The following SEC61A1 variants were observed in gnomAD, a reference collection of about 807,000 sequenced individuals.
SEC61A1 encodes the protein protein transport protein Sec61 subunit alpha isoform 1.
Under a neutral mutation model 55.2 loss-of-function variants are expected in SEC61A1, and 15 were observed. That is an observed-to-expected ratio of 0.27 (90% CI 0.18 to 0.42). The LOEUF (loss-of-function observed/expected upper bound fraction) is 0.42, where lower values mean the gene tolerates loss of function less well. SEC61A1 is among the 10% of genes least tolerant of loss of function. SEC61A1 has a pLI of 1.00. For missense variants in SEC61A1, 284 were observed against 602.6 expected (o/e 0.47, Z 5.53); for synonymous variants, 247 against 234.0 (o/e 1.06, Z -0.51).
At chr3:128,066,595 T>C (rs1210670139) in intron 8 of SEC61A1, 1 of 244,056 alleles carries the variant, frequency 4.1e-6, no homozygotes, top group Non-Finnish European at 7.9e-6. Context: ...GCCAGTTTTG[T>C]TTATTTTTTG....
Position 128,056,832 on chromosome 3 carries a change from C to G in SEC61A1, c.344C>G (p.Ala115Gly), listed in dbSNP as rs774461395. Residue 115 changes from alanine (A) to glycine (G), a missense_variant, in exon 5 of 12, where the codon GCC becomes GGC. Coordinates refer to ENST00000243253, the MANE Select transcript of SEC61A1 (RefSeq NM_013336.4). ...TPKDRALFNG[A>G]QKLFGMIITI... is the part of the protein sequence containing the mutation. ...AAAGACCGAGCTCTCTTCAACGGAG[C>G]CCAAAAGTGTAAGAAAGATTGTGAA... is the stretch of plus-strand genomic sequence containing the variant. 54 of 1,586,938 alleles carry G rather than the reference C, an allele frequency of 3.4e-5. No individual in the cohort carries two copies. The highest frequency in any genetic ancestry group is 1.8e-5 in the Admixed American group (1 of 55,654).
At chr3:128,055,405 A>G in intron 2 of SEC61A1, 111 bp from the exon 3 acceptor site, 2 of 851,914 alleles carry the variant, frequency 2.3e-6, no homozygotes, top group Non-Finnish European at 4.0e-6. Flanking sequence ...GAACAGAGAA[A>G]AGAGTCTGGT....
chr3:128,056,031 CT>C (rs1941764923), intron 4 of SEC61A1, among the ~76,000 whole-genome samples: 2 of 152,160 alleles, frequency 1.3e-5, no homozygotes, highest in Non-Finnish European at 2.9e-5. Flanking sequence ...AACTAGAATA[CT>C]TTTTGAATAC....
At chr3:128,065,902 C>T (rs1429552671) in intron 8 of SEC61A1, among the ~76,000 whole-genome samples, 1 of 151,746 alleles carries the variant, frequency 6.6e-6, no homozygotes. Flanking sequence ...TCACCACGCC[C>T]GGCTAATTTT....
chr3:128,057,288 T>A (rs1228765996), intron 5 of SEC61A1, among the ~76,000 whole-genome samples: 1 of 152,198 alleles, frequency 6.6e-6, no homozygotes, highest in Non-Finnish European at 1.5e-5. Context: ...CTGCAGGAGC[T>A]CCATGCCCTG....
At chr3:128,058,339 G>C (rs1448800863) in intron 5 of SEC61A1, among the ~76,000 whole-genome samples, 1 of 149,860 alleles carries the variant, frequency 6.7e-6, no homozygotes, top group African/African-American at 2.5e-5. Flanking sequence ...CTCCCAAGTA[G>C]CTGGGACTAC....
At chr3:128,061,179 TCATA>T (rs1559796071) in intron 7 of SEC61A1, among the ~76,000 whole-genome samples, 1 of 152,240 alleles carries the variant, frequency 6.6e-6, no homozygotes, top group African/African-American at 2.4e-5. Flanking sequence ...TTCCTGTTAG[TCATA>T]CATACGTGGC....
chr3:128,056,206 G>A (rs1344084852), intron 4 of SEC61A1, among the ~76,000 whole-genome samples: 3 of 152,180 alleles, frequency 2.0e-5, no homozygotes, highest in African/African-American at 7.2e-5. Context: ...GATTCTGAAT[G>A]TGTAGGTTGA....
chr3:128,054,693 T>G (rs1941745993), intron 2 of SEC61A1, among the ~76,000 whole-genome samples: 1 of 152,240 alleles, frequency 6.6e-6, no homozygotes, highest in South Asian at 2.1e-4. Flanking sequence ...CCTCAGAATC[T>G]TCCGTCTGTA....
At chr3:128,062,608 AGAG>A (rs558635755) in intron 7 of SEC61A1, among the ~76,000 whole-genome samples, 234 of 152,344 alleles carry the variant, frequency 1.5e-3, no homozygotes, top group African/African-American at 5.0e-3. Context: ...AAGCCACAGC[AGAG>A]GAGGTCAGTG....
At chr3:128,058,576 A>G (rs2107643351) in intron 5 of SEC61A1, among the ~76,000 whole-genome samples, 1 of 152,198 alleles carries the variant, frequency 6.6e-6, no homozygotes, top group South Asian at 2.1e-4. Context: ...AAATACACAC[A>G]TGTGGCTGGG....
At chr3:128,062,708 G>C (rs568820425) in intron 7 of SEC61A1, among the ~76,000 whole-genome samples, 1 of 152,306 alleles carries the variant, frequency 6.6e-6, no homozygotes, top group South Asian at 2.1e-4. Flanking sequence ...TCACGTGTTA[G>C]AAACTTGGGA....
upstream of SEC61A1, among the ~76,000 whole-genome samples, chr3:128,052,212 C>A (rs1183941369): frequency 6.6e-6 from 1 of 151,978 alleles, no homozygotes; most frequent in East Asian, 1.9e-4. Flanking sequence ...ACCAAGTCTG[C>A]GCAGCCGCAC....
intron 7 of SEC61A1, among the ~76,000 whole-genome samples, chr3:128,063,281 A>C (rs1156470784): frequency 6.6e-6 from 1 of 152,172 alleles, no homozygotes; most frequent in Non-Finnish European, 1.5e-5. Flanking sequence ...TTTCCTATTT[A>C]ATCTGTCATG....
intron 8 of SEC61A1, 134 bp downstream of exon 8, chr3:128,065,171 C>T: frequency 9.7e-7 from 1 of 1,031,284 alleles, no homozygotes; most frequent in South Asian, 1.3e-5. Context: ...TATTTGAAGG[C>T]AGCAGGTTTC....
chr3:128,067,688 C>A lies in SEC61A1; in HGVS notation c.1167+76C>A. The A allele has an allele frequency of 2.5e-6, 3 of 1,178,044 alleles. No homozygotes were observed. Among genetic ancestry groups the A allele is most frequent in the South Asian group, 1.4e-5 (1 of 70,080 alleles). 73.0% of individuals were successfully genotyped at this position (1,178,044 alleles called of 1,614,324 possible). On this transcript the variant is annotated intron_variant, in intron 10 of 11. Coordinates refer to ENST00000243253, the MANE Select transcript of SEC61A1 (RefSeq NM_013336.4). This position sits in a 1 kb window ranked among gnomAD's most constrained non-coding sequence, Gnocchi z 4.1. ...AAGGGGTGTGGACTTGTCACCTCAT[C>A]ATAAATAATGGTCTGTGACGTGTGC...
At chr3:128,055,602 C>T (rs760928501) in intron 3 of SEC61A1, 21 bp downstream of exon 3, 10 of 1,611,148 alleles carry the variant, frequency 6.2e-6, no homozygotes, top group African/African-American at 5.3e-5. Context: ...GCTTGTATTT[C>T]GTATTGGGGA....
Position 128,069,629 on chromosome 3 carries a change from C to T in SEC61A1, c.1398C>T (p.Ser466=), listed in dbSNP as rs11926533. The change falls in exon 12 of 12, where the codon AGC becomes AGT. Residue 466 remains serine, a synonymous_variant. Coordinates refer to ENST00000243253, the MANE Select transcript of SEC61A1 (RefSeq NM_013336.4). ...QYFEIFVKEQ[S]EVGSMGALLF is the part of the protein sequence containing the mutation. ...TTGAGATCTTCGTTAAGGAGCAAAGCGAGGTTGGCAGCATGGGGGCCCTGC... is the reference window on the plus strand; with the variant it reads ...TTGAGATCTTCGTTAAGGAGCAAAGTGAGGTTGGCAGCATGGGGGCCCTGC... 17,496 of 1,614,096 alleles carry T rather than the reference C, an allele frequency of 0.011. 106 individuals carry two copies. The highest frequency in any genetic ancestry group is 0.013 in the Non-Finnish European group (15,658 of 1,180,002).
chr3:128,064,883 A>C lies in SEC61A1; in HGVS notation c.623A>C (p.Glu208Ala). ...TCTCCTCCTCTGCCAACAGGAATGG[A>C]ATTTGAAGGTGCTATCATCGCACTT... ...PTTVNTGRGM[E>A]FEGAIIALFH... Residue 208 changes from glutamate to alanine, a missense_variant, in exon 8 of 12, where the codon GAA (glutamate) becomes GCA (alanine). By Grantham distance (107) the Glu-to-Ala change is moderately radical. Coordinates refer to ENST00000243253, the MANE Select transcript of SEC61A1 (RefSeq NM_013336.4). The C allele has an allele frequency of 6.2e-7, 1 of 1,600,294 alleles. No homozygotes were observed. The highest frequency in any genetic ancestry group is 8.5e-7 in the Non-Finnish European group (1 of 1,172,072).
Sources: allele counts gnomAD v4.1 joint callset (sites outside exome capture counted in the v4.1 genomes callset), GRCh38; gene constraint gnomAD v4.1.1; non-coding constraint Gnocchi (gnomAD v3.1); transcripts MANE v1.5; gene names NCBI Gene and HGNC (gene_info 2026-07-23, HGNC 2026-07-21).